DSCAM: variants seen among roughly 807,000 people sequenced by gnomAD.
DSCAM encodes DS cell adhesion molecule.
Under a neutral mutation model 217.7 loss-of-function variants are expected in DSCAM, and 47 were observed. That is an observed-to-expected ratio of 0.22 (90% confidence interval 0.17 to 0.28). DSCAM has a LOEUF of 0.28. Ranked by LOEUF, DSCAM falls within the 10% of genes least tolerant of loss-of-function variation. DSCAM has a pLI of 1.00. For synonymous variants in DSCAM, 1,056 were observed against 1,015.3 expected, an observed-to-expected ratio of 1.04 and a Z score of -0.76; for missense variants, 2,080 against 2,618.3, an observed-to-expected ratio of 0.79 and a Z score of 4.49.
intron 1 of DSCAM, among the ~76,000 whole-genome samples, chr21:40,738,533 C>G (rs905294288): frequency 6.6e-5 from 10 of 152,028 alleles, no homozygotes; most frequent in African/African-American, 2.4e-4. Context: ...GGTGCCCTTC[C>G]TCTACACAAC....
At chr21:40,557,688 T>G (rs1043931496) in intron 3 of DSCAM, among the ~76,000 whole-genome samples, 64 of 152,182 alleles carry the variant, frequency 4.2e-4, no homozygotes, top group African/African-American at 1.5e-3. Context: ...CTCTTCTGCT[T>G]TTTGTCATGA....
chr21:40,304,902 T>C (rs2074055020), intron 9 of DSCAM, among the ~76,000 whole-genome samples: 1 of 152,198 alleles, frequency 6.6e-6, no homozygotes, highest in South Asian at 2.1e-4. Context: ...CACCAGAGAT[T>C]ACTGATTACC....
chr21:40,475,001 G>T (rs533058234), intron 3 of DSCAM, among the ~76,000 whole-genome samples: 1 of 151,800 alleles, frequency 6.6e-6, no homozygotes, highest in South Asian at 2.1e-4. Flanking sequence ...AAAAAAAAAA[G>T]CCCATCACCC....
chr21:40,298,298 G>A (rs1450768653), intron 9 of DSCAM, among the ~76,000 whole-genome samples: 1 of 151,930 alleles, frequency 6.6e-6, no homozygotes, highest in Non-Finnish European at 1.5e-5. Context: ...GGCCAGGCTG[G>A]TCTTGAACTC....
chr21:40,665,693 A>G (rs1170985662), intron 3 of DSCAM, among the ~76,000 whole-genome samples: 1 of 152,186 alleles, frequency 6.6e-6, no homozygotes, highest in Non-Finnish European at 1.5e-5. Context: ...GCACAGACAC[A>G]GCTGGCACTA....
In DSCAM at chr21:40,590,069, G is replaced by A. The variant is rs368295346; in HGVS notation, c.508+102741C>T. On this transcript the variant is annotated intron_variant, in intron 3 of 32. Transcript: ENST00000400454. ...CAATGGGAATTAGTAGGCAGTTTCCGTCATTTTGTAAGAAATTCCAAACAC... is the reference window on the plus strand; with the variant it reads ...CAATGGGAATTAGTAGGCAGTTTCCATCATTTTGTAAGAAATTCCAAACAC... Among the ~76,000 whole-genome samples, 15 of 152,272 alleles carry A rather than the reference G, an allele frequency of 9.9e-5. No homozygotes were observed. In the East Asian group the frequency reaches 1.2e-3, roughly 12 times the overall value.
intron 3 of DSCAM, among the ~76,000 whole-genome samples, chr21:40,526,534 C>G (rs529754059): frequency 9.2e-5 from 14 of 151,954 alleles, no homozygotes; most frequent in Non-Finnish European, 1.5e-4. Flanking sequence ...GGACATCTGC[C>G]AAAAGAGGAT....
At chr21:40,052,212 C>A in intron 29 of DSCAM, 105 bp from the exon 30 acceptor site, 1 of 1,233,188 alleles carries the variant, frequency 8.1e-7, no homozygotes, top group Non-Finnish European at 1.1e-6. Flanking sequence ...TAATGACAAC[C>A]ACAATAATAG....
intron 1 of DSCAM, among the ~76,000 whole-genome samples, chr21:40,727,134 A>C (rs985450160): frequency 6.6e-6 from 1 of 152,210 alleles, no homozygotes; most frequent in Non-Finnish European, 1.5e-5. Flanking sequence ...TCAGCTGGAG[A>C]CTAATGACGC....
chr21:40,218,092 G>A (rs1005194113), intron 11 of DSCAM, among the ~76,000 whole-genome samples: 2 of 152,100 alleles, frequency 1.3e-5, no homozygotes, highest in Non-Finnish European at 2.9e-5. Context: ...GTCCAGGATG[G>A]TATTGCCTAG....
intron 3 of DSCAM, among the ~76,000 whole-genome samples, chr21:40,420,093 T>C (rs1476428871): frequency 6.6e-6 from 1 of 152,158 alleles, no homozygotes; most frequent in Non-Finnish European, 1.5e-5. Flanking sequence ...AGTAACAGGA[T>C]ACCAATTGTG....
chr21:40,193,968 G>A (rs762241178), intron 11 of DSCAM, among the ~76,000 whole-genome samples: 3 of 152,180 alleles, frequency 2.0e-5, no homozygotes, highest in Non-Finnish European at 4.4e-5. Flanking sequence ...CCAACTGGAA[G>A]AACTGTTCTC....
Position 40,818,182 on chromosome 21 carries a change from G to A in DSCAM, c.43+28437C>T, listed in dbSNP as rs191130643. On this transcript the variant is annotated intron_variant, in intron 1 of 32. Coordinates refer to ENST00000400454, the MANE Select transcript of DSCAM (RefSeq NM_001389.5). ...GCCTCGATGTGGTAAAGGGACATCCGCCTGTCCCTGCAACACTGCCTGGAT... is the reference window on the plus strand; with the variant it reads ...GCCTCGATGTGGTAAAGGGACATCCACCTGTCCCTGCAACACTGCCTGGAT... Among the ~76,000 whole-genome samples, 12 of 149,374 alleles carry A rather than the reference G, an allele frequency of 8.0e-5. No homozygotes were observed. The East Asian group carries it at 2.0e-3, about 25-fold the overall frequency.
At chr21:40,090,293 G>T (rs550280918) in intron 21 of DSCAM, among the ~76,000 whole-genome samples, 5 of 152,172 alleles carry the variant, frequency 3.3e-5, no homozygotes, top group African/African-American at 9.6e-5. Context: ...GCCTTTCCTC[G>T]AATGAGAGCC....
intron 3 of DSCAM, among the ~76,000 whole-genome samples, chr21:40,642,710 A>G (rs2089898141): frequency 6.6e-6 from 1 of 152,106 alleles, no homozygotes; most frequent in South Asian, 2.1e-4. Flanking sequence ...AGCCACCCAA[A>G]GTAGCTGGGA....
At chr21:40,125,969 G>A (rs2090088692) in intron 19 of DSCAM, among the ~76,000 whole-genome samples, 1 of 152,204 alleles carries the variant, frequency 6.6e-6, no homozygotes. Context: ...CTCTTTAGGA[G>A]GCCAAGTAGT....
intron 19 of DSCAM, among the ~76,000 whole-genome samples, chr21:40,127,112 G>T (rs150703238): frequency 6.6e-6 from 1 of 152,190 alleles, no homozygotes; most frequent in African/African-American, 2.4e-5. Context: ...AACTGTGCTG[G>T]CTTATGTTTT....
intron 2 of DSCAM, among the ~76,000 whole-genome samples, chr21:40,698,556 G>A (rs2146461499): frequency 6.6e-6 from 1 of 152,240 alleles, no homozygotes; most frequent in Admixed American, 6.5e-5. Context: ...CTGCCTAACA[G>A]GCGCCTGATC....
At chr21:40,597,969 T>C (rs2146256172) in intron 3 of DSCAM, among the ~76,000 whole-genome samples, 1 of 152,338 alleles carries the variant, frequency 6.6e-6, no homozygotes, top group African/African-American at 2.4e-5. Flanking sequence ...GGCCGCGATT[T>C]ACATTAAGCT....
Sources: gnomAD v4.1 joint callset for allele counts (sites outside exome capture counted in the v4.1 genomes callset) on GRCh38, gnomAD v4.1.1 for gene constraint, MANE v1.5 for transcripts, NCBI Gene and HGNC (gene_info 2026-07-23, HGNC 2026-07-21) for gene names.